The following DDX10 variants were observed in gnomAD, a reference collection of about 807,000 sequenced individuals.
DDX10 encodes DEAD-box helicase 10.
In DDX10, 74 loss-of-function variants were observed where a neutral mutation model predicts 104.3. The observed-to-expected ratio is 0.71, with a 90% CI of 0.59 to 0.86. The LOEUF (loss-of-function observed/expected upper bound fraction) is 0.86. DDX10 is among the 40% of genes least tolerant of loss of function. DDX10 has a pLI of 0.00. For missense variants in DDX10, 952 were observed against 1,040.0 expected (o/e 0.92, Z 1.16); for synonymous variants, 351 against 353.4 (o/e 0.99, Z 0.08).
intron 1 of DDX10, among the ~76,000 whole-genome samples, chr11:108,666,311 C>A (rs1591785106): frequency 6.6e-6 from 1 of 152,134 alleles, no homozygotes; most frequent in African/African-American, 2.4e-5. Context: ...AACCCCGCCT[C>A]TACTAAAAAT....
chr11:108,706,865 T>G, intron 10 of DDX10, 28 bp downstream of exon 10: 1 of 1,582,382 alleles, frequency 6.3e-7, no homozygotes, highest in Non-Finnish European at 8.7e-7. Flanking sequence ...TCTTTATGTT[T>G]TTAGGAAAAT....
intron 13 of DDX10, among the ~76,000 whole-genome samples, chr11:108,739,235 G>GT (rs1174750883): frequency 2.0e-5 from 3 of 152,150 alleles, no homozygotes; most frequent in Non-Finnish European, 2.9e-5. Context: ...GAATTTTTCT[G>GT]TTTTTGTCGG....
intron 16 of DDX10, among the ~76,000 whole-genome samples, chr11:108,899,042 G>T (rs1404645164): frequency 6.6e-6 from 1 of 152,162 alleles, no homozygotes; most frequent in Non-Finnish European, 1.5e-5. Context: ...TTTCAAATGT[G>T]CATTGAACAC....
At chr11:108,755,646 T>C (rs1308835333) in intron 13 of DDX10, among the ~76,000 whole-genome samples, 2 of 151,972 alleles carry the variant, frequency 1.3e-5, no homozygotes, top group Admixed American at 1.3e-4. Flanking sequence ...TTTTCCCAGT[T>C]AGATGATTTT....
Position 108,719,856 on chromosome 11 carries a change from G to A in DDX10, c.1470G>A (p.Val490=). Residue 490 remains valine (V), a synonymous_variant, in exon 12 of 18, where the codon GTG becomes GTA. Coordinates refer to ENST00000322536, the MANE Select transcript of DDX10 (RefSeq NM_004398.4). Reference sequence around the variant, plus strand: ...TGAAGGATAAAGAAGTATTTGATGTGAGCAAGTTACCTATACCTGAATATG... The same window carrying A: ...TGAAGGATAAAGAAGTATTTGATGTAAGCAAGTTACCTATACCTGAATATG... ...YLMKDKEVFD[V]SKLPIPEYAL... 6.2e-7 allele frequency: 1 copy of A among 1,603,264 alleles called. No individual in the cohort carries two copies. Among genetic ancestry groups the A allele is most frequent in the Non-Finnish European group, 8.5e-7 (1 of 1,170,236 alleles).
intron 10 of DDX10, among the ~76,000 whole-genome samples, chr11:108,710,262 C>T (rs905101859): frequency 2.0e-5 from 3 of 152,124 alleles, no homozygotes; most frequent in Non-Finnish European, 4.4e-5. Flanking sequence ...GTAGGCTACA[C>T]TAAACTTTTT....
intron 8 of DDX10, 115 bp downstream of exon 8, chr11:108,692,153 G>T (rs2094253606): frequency 1.0e-6 from 1 of 974,788 alleles, no homozygotes; most frequent in Non-Finnish European, 1.5e-6. Flanking sequence ...TTCTTATTTT[G>T]TAAGAGAAAA....
intron 13 of DDX10, among the ~76,000 whole-genome samples, chr11:108,741,004 G>A (rs2094324515): frequency 6.6e-6 from 1 of 152,102 alleles, no homozygotes; most frequent in South Asian, 2.1e-4. Context: ...AGGGGGTCCA[G>A]TTCAATCTTT....
chr11:108,720,747 T>C (rs891619352), intron 12 of DDX10, among the ~76,000 whole-genome samples: 6 of 151,996 alleles, frequency 3.9e-5, no homozygotes, highest in African/African-American at 1.4e-4. Flanking sequence ...CATGCTACCA[T>C]GGCTGGCTAG....
At chr11:108,920,029 G>A (rs757030721) in intron 17 of DDX10, 9 of 152,016 alleles carry the variant, frequency 5.9e-5, no homozygotes, top group Non-Finnish European at 1.3e-4. Context: ...ATGGCACAGA[G>A]AATGCCTTGA....
chr11:108,853,944 G>A (rs1403407466), intron 16 of DDX10, among the ~76,000 whole-genome samples: 1 of 152,226 alleles, frequency 6.6e-6, no homozygotes, highest in Non-Finnish European at 1.5e-5. Context: ...GACAGAGGCT[G>A]TGTTTTATTA....
chr11:108,736,905 C>T (rs2094319117), intron 13 of DDX10, among the ~76,000 whole-genome samples: 1 of 152,116 alleles, frequency 6.6e-6, no homozygotes. Context: ...ACCCTATACC[C>T]CTAAAGGGAA....
At chr11:108,812,843 A>T (rs972741785) in intron 13 of DDX10, among the ~76,000 whole-genome samples, 1 of 151,900 alleles carries the variant, frequency 6.6e-6, no homozygotes, top group African/African-American at 2.4e-5. Flanking sequence ...TTAGCCGGGC[A>T]TGGTGGCACA....
At chr11:108,675,518 G>A in intron 2 of DDX10, 78 bp from the exon 3 acceptor site, 1 of 1,500,292 alleles carries the variant, frequency 6.7e-7, no homozygotes, top group Non-Finnish European at 9.0e-7. Context: ...AGGAATTTTG[G>A]GGGACACAAC....
intron 13 of DDX10, among the ~76,000 whole-genome samples, chr11:108,837,607 CTTT>C (rs142381520): frequency 3.3e-3 from 115 of 34,668 alleles, no homozygotes; most frequent in Middle Eastern, 0.021. Context: ...TTGGATACAG[CTTT>C]TTTTTTTTTT....
At chr11:108,793,420 T>C (rs995113961) in intron 13 of DDX10, among the ~76,000 whole-genome samples, 2 of 152,154 alleles carry the variant, frequency 1.3e-5, no homozygotes, top group African/African-American at 4.8e-5. Flanking sequence ...TTGGATGTAT[T>C]AGTACAAAGC....
At chr11:108,724,784 T>C (rs992865900) in intron 13 of DDX10, among the ~76,000 whole-genome samples, 2 of 152,092 alleles carry the variant, frequency 1.3e-5, no homozygotes, top group South Asian at 4.1e-4. Flanking sequence ...TGTGTCTAAG[T>C]ACTAATAGCT....
chr11:108,755,008 T>TG (rs2094342882), intron 13 of DDX10, among the ~76,000 whole-genome samples: 1 of 152,070 alleles, frequency 6.6e-6, no homozygotes, highest in Non-Finnish European at 1.5e-5. Flanking sequence ...TCATGACCCC[T>TG]GACCCTGACA....
At chr11:108,898,840 A>G (rs1863475122) in intron 16 of DDX10, among the ~76,000 whole-genome samples, 1 of 152,130 alleles carries the variant, frequency 6.6e-6, no homozygotes, top group Admixed American at 6.5e-5. Context: ...TCACAGTGTC[A>G]AAAGAGTAGG....
Sources: gnomAD v4.1 joint callset for allele counts (sites outside exome capture counted in the v4.1 genomes callset) on GRCh38, gnomAD v4.1.1 for gene constraint, MANE v1.5 for transcripts, NCBI Gene and HGNC (gene_info 2026-07-23, HGNC 2026-07-21) for gene names.